SAMD5: variants seen among roughly 807,000 people sequenced by gnomAD.
The protein encoded by SAMD5 is sterile alpha motif domain-containing protein 5.
A neutral mutation model predicts 11.3 loss-of-function variants in SAMD5; 13 were observed. The ratio of observed to expected loss-of-function variants is 1.15; its 90% confidence interval spans 0.75 to 1.83. The LOEUF (loss-of-function observed/expected upper bound fraction) is 1.83, where lower values mean the gene tolerates loss of function less well. Ranked by LOEUF, SAMD5 falls within the 40% of genes most tolerant of loss-of-function variation. The pLI, the probability that SAMD5 is intolerant of heterozygous loss-of-function variation, is 0.00. For missense variants in SAMD5, 255 were observed against 239.1 expected (o/e 1.07, Z -0.44); for synonymous variants, 129 against 111.3 (o/e 1.16, Z -1.00).
the SAMD5 span, among the ~76,000 whole-genome samples, chr6:147,843,432 A>C: frequency 6.6e-6 from 1 of 152,326 alleles, no homozygotes; most frequent in South Asian, 2.1e-4. Flanking sequence ...AGTGAACTGC[A>C]AATTCAGTGC....
chr6:147,663,738 G>A (rs1790677377), intron 1 of SAMD5, among the ~76,000 whole-genome samples: 1 of 142,674 alleles, frequency 7.0e-6, no homozygotes, highest in African/African-American at 2.6e-5. Context: ...GTTGCAGTGA[G>A]CAGAGATCCT....
chr6:147,646,644 T>A (rs940534484), intron 1 of SAMD5, among the ~76,000 whole-genome samples: 7 of 152,206 alleles, frequency 4.6e-5, no homozygotes, highest in African/African-American at 1.7e-4. Flanking sequence ...AATAAAACCA[T>A]ATTCAGAATT....
chr6:147,573,845 C>T (rs113395309), downstream of SAMD5, among the ~76,000 whole-genome samples: 1,391 of 152,220 alleles, frequency 9.1e-3, 14 homozygotes, highest in Middle Eastern at 0.024. Flanking sequence ...ACATTCATTG[C>T]CAGGCACGGT....
At chr6:147,542,125 C>T (rs773198759) in intron 1 of SAMD5, among the ~76,000 whole-genome samples, 1 of 152,182 alleles carries the variant, frequency 6.6e-6, no homozygotes. Context: ...AGTTAAGGGA[C>T]GTCTTCCCAG....
At chr6:147,865,279 AGT>A in the SAMD5 span, among the ~76,000 whole-genome samples, 2 of 148,908 alleles carry the variant, frequency 1.3e-5, no homozygotes, top group African/African-American at 4.9e-5. Flanking sequence ...TAGGTATATA[AGT>A]GTGTGTATAT....
At chr6:147,580,408 C>G (rs1789280589) in intron 1 of SAMD5, among the ~76,000 whole-genome samples, 5 of 152,228 alleles carry the variant, frequency 3.3e-5, no homozygotes, top group Admixed American at 2.6e-4. Context: ...TGTAAATTCA[C>G]CACTGGGCTT....
At chr6:147,574,425 G>A (rs746083581), downstream of SAMD5, among the ~76,000 whole-genome samples, 1 of 152,128 alleles carries the variant, frequency 6.6e-6, no homozygotes, top group Non-Finnish European at 1.5e-5. Context: ...TTTATCTTCT[G>A]TAGGGACTAA....
chr6:147,729,983 G>C (rs1258178427), intron 1 of SAMD5: 2 of 409,186 alleles, frequency 4.9e-6, no homozygotes, highest in Non-Finnish European at 9.5e-6. Flanking sequence ...TACTCGGGAG[G>C]CTGAGGCAGA....
At chr6:147,713,724 C>T (rs1053965979) in intron 1 of SAMD5, among the ~76,000 whole-genome samples, 1 of 151,992 alleles carries the variant, frequency 6.6e-6, no homozygotes, top group Non-Finnish European at 1.5e-5. Flanking sequence ...GAACTGTCAC[C>T]CAAATTCAGT....
the SAMD5 span, among the ~76,000 whole-genome samples, chr6:147,783,551 G>A: frequency 6.6e-6 from 1 of 151,796 alleles, no homozygotes; most frequent in Non-Finnish European, 1.5e-5. Flanking sequence ...CCACCACCAC[G>A]CCTGGCTAAT....
At chr6:147,864,711 C>T in the SAMD5 span, among the ~76,000 whole-genome samples, 1 of 152,124 alleles carries the variant, frequency 6.6e-6, no homozygotes, top group Non-Finnish European at 1.5e-5. Flanking sequence ...TTCAGTTTTT[C>T]AGGTTATATC....
chr6:147,847,583 T>G, the SAMD5 span, among the ~76,000 whole-genome samples: 2 of 152,198 alleles, frequency 1.3e-5, no homozygotes, highest in Non-Finnish European at 2.9e-5. Context: ...CTGGGTGTGT[T>G]GCCTCACGCC....
At chr6:147,844,663 C>A in the SAMD5 span, among the ~76,000 whole-genome samples, 71 of 120,702 alleles carry the variant, frequency 5.9e-4, 1 homozygote, top group African/African-American at 2.6e-3. Flanking sequence ...CAGCCTAAAA[C>A]AATTTAAAAA....
intron 1 of SAMD5, among the ~76,000 whole-genome samples, chr6:147,562,827 A>AAT (rs1554232944): frequency 4.6e-5 from 7 of 151,992 alleles, no homozygotes; most frequent in Middle Eastern, 3.4e-3. Context: ...GTCTCAAAAA[A>AAT]AAATAAATAA....
At chr6:147,944,806 G>A in the SAMD5 span, among the ~76,000 whole-genome samples, 543 of 152,284 alleles carry the variant, frequency 3.6e-3, 3 homozygotes, top group African/African-American at 0.012. Context: ...TGTCAGCAGG[G>A]TTGACTCCTT....
At chr6:147,779,599 G>T in the SAMD5 span, among the ~76,000 whole-genome samples, 4 of 151,762 alleles carry the variant, frequency 2.6e-5, 1 homozygote, top group African/African-American at 2.4e-5. Flanking sequence ...GGGTTCAAGC[G>T]ATTCTCCTGC....
chr6:147,766,678 C>T, the SAMD5 span, among the ~76,000 whole-genome samples: 2 of 152,000 alleles, frequency 1.3e-5, no homozygotes. Context: ...CCCAGCAAAA[C>T]AAAGGAATAA....
chr6:147,733,423 G>C (rs1043840680), intron 1 of SAMD5, among the ~76,000 whole-genome samples: 3 of 152,130 alleles, frequency 2.0e-5, no homozygotes, highest in African/African-American at 7.2e-5. Flanking sequence ...ACGGAGTACA[G>C]GTTTGCTGTG....
At position 147,568,413 on chromosome 6, in the gene SAMD5, A is replaced by G; in HGVS notation, c.*3957A>G. 1 of 985,004 alleles carries G rather than the reference A, an allele frequency of 1.0e-6. No individual in the cohort carries two copies. The highest frequency in any genetic ancestry group is 1.2e-6 in the Non-Finnish European group (1 of 829,518). 61.0% of individuals were successfully genotyped at this position (985,004 alleles called of 1,614,324 possible). A position where few individuals can be genotyped will look rare whatever the true frequency, so the allele number is the denominator to read the frequency against. The stretch of plus-strand genomic sequence containing the variant: ...AAACATTTGCTTTATATAGATTCTT[A>G]CAAGTAATATTTGATTAGGTATCAA... On this transcript the variant is annotated 3_prime_UTR_variant, in exon 2 of 2. Coordinates refer to ENST00000367474, the MANE Select transcript of SAMD5 (RefSeq NM_001030060.3).
Sources: allele counts gnomAD v4.1 joint callset (sites outside exome capture counted in the v4.1 genomes callset), GRCh38; gene constraint gnomAD v4.1.1; transcripts MANE v1.5; gene names NCBI Gene and HGNC (gene_info 2026-07-23, HGNC 2026-07-21).